Variants in MME observed in about 807,000 individuals in gnomAD.
The protein encoded by MME is membrane metalloendopeptidase.
In MME, 98 loss-of-function variants were observed where a neutral mutation model predicts 113.2. The ratio of observed to expected loss-of-function variants is 0.87; its 90% CI spans 0.74 to 1.02. MME has a LOEUF of 1.02. Among genes scored for constraint, MME ranks in the 50% least tolerant of loss-of-function variants. The pLI, the probability that MME is intolerant of heterozygous loss-of-function variation, is 0.00. For synonymous variants in MME, 292 were observed against 300.6 expected, an observed-to-expected ratio of 0.97 and a Z score of 0.30; for missense variants, 836 against 896.0, an observed-to-expected ratio of 0.93 and a Z score of 0.86.
chr3:155,079,836 C>A (rs1270818858), upstream of MME: 3 of 152,504 alleles, frequency 2.0e-5, no homozygotes, highest in Admixed American at 6.5e-5. Flanking sequence ...GGGTCCGGAA[C>A]CTCCCCCAAG....
chr3:155,072,175 A>AC (rs1186416340), intron 1 of MME, among the ~76,000 whole-genome samples: 1 of 150,296 alleles, frequency 6.7e-6, no homozygotes, highest in Non-Finnish European at 1.5e-5. Flanking sequence ...CTCAAAAAAA[A>AC]AAAAAAAAAA....
At chr3:155,078,104 T>C (rs540008581), upstream of MME, among the ~76,000 whole-genome samples, 28 of 151,040 alleles carry the variant, frequency 1.9e-4, no homozygotes, top group East Asian at 4.9e-3. Flanking sequence ...CTCGGTGTGG[T>C]GGTGCGTGCC....
At chr3:155,061,578 T>C (rs1714148968) in intron 1 of MME, among the ~76,000 whole-genome samples, 1 of 151,928 alleles carries the variant, frequency 6.6e-6, no homozygotes. Flanking sequence ...TATTGATGTA[T>C]AGAAATAAAA....
intron 1 of MME, among the ~76,000 whole-genome samples, chr3:155,026,250 A>G (rs1712781867): frequency 6.6e-6 from 1 of 152,092 alleles, no homozygotes; most frequent in Admixed American, 6.5e-5. Context: ...CCATTTATCT[A>G]TTCATTGAGG....
intron 1 of MME, among the ~76,000 whole-genome samples, chr3:155,033,210 C>T (rs147323942): frequency 6.6e-6 from 1 of 152,166 alleles, no homozygotes; most frequent in East Asian, 1.9e-4. Flanking sequence ...CTATGTGACT[C>T]AGGCTCCAGG....
At chr3:155,114,708 G>A (rs1418131828) in intron 3 of MME, among the ~76,000 whole-genome samples, 3 of 152,146 alleles carry the variant, frequency 2.0e-5, no homozygotes, top group Non-Finnish European at 4.4e-5. Flanking sequence ...TTCTGAGATA[G>A]GAACTAGCCA....
At chr3:155,131,342 C>T (rs911352129) in intron 8 of MME, among the ~76,000 whole-genome samples, 3 of 152,110 alleles carry the variant, frequency 2.0e-5, no homozygotes, top group Non-Finnish European at 4.4e-5. Context: ...TGATACGTGG[C>T]GGAGCTTGTC....
intron 22 of MME, 94 bp downstream of exon 22, chr3:155,172,706 C>A: frequency 2.8e-5 from 25 of 887,898 alleles, no homozygotes; most frequent in Non-Finnish European, 2.9e-5. Context: ...GATTCTTTTA[C>A]ATTTGGAAAT....
At chr3:155,128,005 T>G (rs1244045740) in intron 8 of MME, among the ~76,000 whole-genome samples, 4 of 152,252 alleles carry the variant, frequency 2.6e-5, no homozygotes, top group Non-Finnish European at 5.9e-5. Context: ...GCATGCTTGC[T>G]GCCTTGCTCC....
intron 4 of MME, among the ~76,000 whole-genome samples, chr3:155,115,630 T>C (rs1180183289): frequency 2.0e-5 from 3 of 152,320 alleles, no homozygotes; most frequent in East Asian, 3.9e-4. Flanking sequence ...GGTTTCACCA[T>C]GTTGGCCAAG....
chr3:155,183,537 T>C lies in MME; in HGVS notation c.*3078T>C, dbSNP rs1713294428. The C allele has an allele frequency of 6.6e-6, 1 of 152,204 alleles. No individual in the cohort carries two copies. Among genetic ancestry groups the C allele is most frequent in the African/African-American group, 2.4e-5 (1 of 41,460 alleles). 9.4% of individuals were successfully genotyped at this position (152,204 alleles called of 1,614,324 possible). On this transcript the variant is annotated 3_prime_UTR_variant, in exon 23 of 23. Transcript: ENST00000360490. The stretch of plus-strand genomic sequence containing the variant: ...AAGTGGGGCAAAACCTTGCTAATTT[T>C]CTCAAAAGCATTTATCATTCTTGTT...
intron 3 of MME, among the ~76,000 whole-genome samples, chr3:155,094,377 A>G (rs1343788564): frequency 6.6e-6 from 1 of 152,232 alleles, no homozygotes; most frequent in Non-Finnish European, 1.5e-5. Context: ...AAGACTAACG[A>G]CAGCCTATTT....
chr3:155,026,419 T>G (rs1250564923), intron 1 of MME, among the ~76,000 whole-genome samples: 10 of 152,050 alleles, frequency 6.6e-5, no homozygotes, highest in Admixed American at 3.3e-4. Context: ...GATCACTACT[T>G]CCCTGTAAGA....
At chr3:155,167,500 A>G (rs945454049) in intron 18 of MME, among the ~76,000 whole-genome samples, 6 of 151,800 alleles carry the variant, frequency 4.0e-5, no homozygotes, top group Non-Finnish European at 5.9e-5. Flanking sequence ...ACAGTTAGGC[A>G]CTTAAATGCC....
rs1457705989 is a variant in MME, at chr3:155,115,955, T to C, written c.359-524T>C. ...TCCTTTGTTCTCTGTTCTCCCCTCT[T>C]CTAGAAGTTATTTTGTAGAAGAACA... On this transcript the variant is annotated intron_variant, in intron 4 of 22. Transcript: ENST00000360490. 3.3e-5 allele frequency among the ~76,000 whole-genome samples: 5 copies of C among 152,146 alleles called. No homozygotes were observed. The East Asian group carries it at 9.6e-4, about 29-fold the overall frequency.
chr3:155,148,608 A>G lies in MME; in HGVS notation c.1556A>G (p.Gln519Arg). The change falls in exon 16 of 23, where the codon CAA becomes CGA. Residue 519 changes from glutamine (Q) to arginine (R), a missense_variant. By Grantham distance (43) the Gln-to-Arg change is conservative (BLOSUM62 1). Transcript: ENST00000360490. ...ATAATTCAAAATTTGAAATTCAGCC[A>G]AAGTAAACAACTGAAGAAGCTCCGA... The part of the protein sequence containing the change: ...ENIIQNLKFS[Q>R]SKQLKKLREK... The G allele has an allele frequency of 6.2e-7, 1 of 1,613,046 alleles. No individual in the cohort carries two copies. The highest frequency in any genetic ancestry group is 1.1e-5 in the South Asian group (1 of 91,058).
intron 7 of MME, 131 bp downstream of exon 7, chr3:155,117,117 C>T: frequency 1.5e-6 from 1 of 683,812 alleles, no homozygotes; most frequent in South Asian, 1.6e-5. Flanking sequence ...GTAGTATATC[C>T]ATGCTCTGTC....
intron 8 of MME, among the ~76,000 whole-genome samples, chr3:155,126,830 T>A (rs1324517916): frequency 1.3e-5 from 2 of 151,844 alleles, no homozygotes; most frequent in Non-Finnish European, 2.9e-5. Flanking sequence ...AGAAACCCCA[T>A]CTCTACTAAA....
At chr3:155,130,941 G>A (rs997718957) in intron 8 of MME, among the ~76,000 whole-genome samples, 4 of 152,244 alleles carry the variant, frequency 2.6e-5, no homozygotes, top group Middle Eastern at 3.4e-3. Flanking sequence ...AGGAAACAAG[G>A]TCCTTGTTCT....
Sources: gnomAD v4.1 joint callset for allele counts (sites outside exome capture counted in the v4.1 genomes callset) on GRCh38, gnomAD v4.1.1 for gene constraint, MANE v1.5 for transcripts, NCBI Gene and HGNC (gene_info 2026-07-23, HGNC 2026-07-21) for gene names.